Variants in ME1 observed in about 807,000 individuals in gnomAD.
The protein encoded by ME1 is malic enzyme 1.
Under a neutral mutation model 66.4 loss-of-function variants are expected in ME1, and 74 were observed. The observed-to-expected ratio is 1.11, with a 90% CI of 0.92 to 1.35. ME1 has a LOEUF of 1.35. Ranked by LOEUF, ME1 falls within the 40% of genes most tolerant of loss-of-function variation. ME1 has a pLI of 0.00. For missense variants in ME1, 750 were observed against 694.1 expected (o/e 1.08, Z -0.90); for synonymous variants, 251 against 235.6 (o/e 1.07, Z -0.60).
chr6:83,378,607 T>C (rs1030596925), intron 3 of ME1, among the ~76,000 whole-genome samples: 13 of 152,106 alleles, frequency 8.5e-5, no homozygotes, highest in Admixed American at 7.2e-4. Context: ...GTATCTTCTT[T>C]ATTCAGATAT....
At chr6:83,230,691 G>T (rs1006178180) in intron 9 of ME1, among the ~76,000 whole-genome samples, 2 of 152,154 alleles carry the variant, frequency 1.3e-5, no homozygotes, top group Non-Finnish European at 2.9e-5. Flanking sequence ...CAGCACTTTG[G>T]GAGGCTGAGG....
intron 3 of ME1, among the ~76,000 whole-genome samples, chr6:83,381,436 C>T (rs1377565839): frequency 1.3e-5 from 2 of 150,320 alleles, no homozygotes; most frequent in African/African-American, 2.5e-5. Flanking sequence ...CGCTCTGTTG[C>T]CCAGGCTGGA....
intron 9 of ME1, among the ~76,000 whole-genome samples, chr6:83,230,793 C>T (rs1420748343): frequency 6.6e-6 from 1 of 151,840 alleles, no homozygotes; most frequent in Non-Finnish European, 1.5e-5. Flanking sequence ...ATTAGCTGGG[C>T]GTGGTGGCAG....
At chr6:83,316,032 A>T (rs1248734653) in intron 5 of ME1, among the ~76,000 whole-genome samples, 1 of 152,226 alleles carries the variant, frequency 6.6e-6, no homozygotes, top group Non-Finnish European at 1.5e-5. Flanking sequence ...TTCAGATTTT[A>T]CAGACAAAGG....
intron 5 of ME1, among the ~76,000 whole-genome samples, chr6:83,334,100 T>G (rs1768474617): frequency 6.6e-6 from 1 of 152,144 alleles, no homozygotes; most frequent in East Asian, 1.9e-4. Flanking sequence ...CGCAGGCCAG[T>G]GTGTGCGTGC....
chr6:83,233,464 C>G (rs1790339938), intron 9 of ME1, among the ~76,000 whole-genome samples: 1 of 151,992 alleles, frequency 6.6e-6, no homozygotes, highest in Non-Finnish European at 1.5e-5. Flanking sequence ...AGCATTAACT[C>G]TTTCCACTGC....
intron 12 of ME1, among the ~76,000 whole-genome samples, chr6:83,222,398 T>C (rs1001740087): frequency 6.6e-6 from 1 of 152,202 alleles, no homozygotes; most frequent in Non-Finnish European, 1.5e-5. Context: ...ATCAGTAACA[T>C]AAGAATCTTT....
At chr6:83,369,667 GGAAC>G (rs200236615) in intron 3 of ME1, among the ~76,000 whole-genome samples, 4,956 of 50,334 alleles carry the variant, frequency 0.098, 353 homozygotes, top group African/African-American at 0.31. Flanking sequence ...AAGGAAGGAA[GGAAC>G]GAAGGAAGGA....
Position 83,253,711 on chromosome 6 carries a change from A to C in ME1, c.732T>G (p.Phe244Leu), listed in dbSNP as rs1790760313. Residue 244 changes from phenylalanine to leucine, a missense_variant, in exon 7 of 14, where the codon TTT becomes TTG. Coordinates refer to ENST00000369705, the MANE Select transcript of ME1 (RefSeq NM_002395.6). Reference sequence around the variant, plus strand: ...ATGCATTCACATTGGCAAAATCTTCAAACTGAATAAGGCAATTCATGCCAT... The same window carrying C: ...ATGCATTCACATTGGCAAAATCTTCCAACTGAATAAGGCAATTCATGCCAT... ...SKYGMNCLIQ[F>L]EDFANVNAFR... 6.2e-7 allele frequency: 1 copy of C among 1,608,324 alleles called. No homozygotes were observed. The highest frequency in any genetic ancestry group is 8.5e-7 in the Non-Finnish European group (1 of 1,175,238).
chr6:83,238,799 A>ATATATATATATATATAT (rs1554263094), intron 8 of ME1, among the ~76,000 whole-genome samples: 4,957 of 138,756 alleles, frequency 0.036, 178 homozygotes, highest in Non-Finnish European at 0.049. Context: ...TTTCTTGAAA[A>ATATATATATATATATAT]ATATATATAT....
intron 6 of ME1, among the ~76,000 whole-genome samples, chr6:83,263,848 A>G (rs1766942649): frequency 6.6e-6 from 1 of 151,254 alleles, no homozygotes; most frequent in South Asian, 2.1e-4. Context: ...CATAACCTGC[A>G]AGGTGAAGCA....
At chr6:83,410,790 T>C (rs1770034968) in intron 1 of ME1, among the ~76,000 whole-genome samples, 2 of 152,202 alleles carry the variant, frequency 1.3e-5, no homozygotes, top group Admixed American at 1.3e-4. Flanking sequence ...CTTAACAACA[T>C]TTATTGTTAT....
At chr6:83,258,378 T>C (rs1395209970) in intron 6 of ME1, among the ~76,000 whole-genome samples, 1 of 152,202 alleles carries the variant, frequency 6.6e-6, no homozygotes, top group Non-Finnish European at 1.5e-5. Flanking sequence ...ACGTAAGGGA[T>C]AATTAGTTCC....
At chr6:83,224,527 A>G (rs1283736555) in intron 11 of ME1, among the ~76,000 whole-genome samples, 1 of 151,432 alleles carries the variant, frequency 6.6e-6, no homozygotes, top group Non-Finnish European at 1.5e-5. Context: ...TACTAAAAAT[A>G]TAAAAAGTGG....
At chr6:83,315,489 T>C in intron 5 of ME1, 76 bp from the exon 6 acceptor site, 2 of 837,220 alleles carry the variant, frequency 2.4e-6, no homozygotes, top group Non-Finnish European at 3.9e-6. Flanking sequence ...TCTTCATCTG[T>C]ATAAAAGGGA....
intron 7 of ME1, among the ~76,000 whole-genome samples, chr6:83,241,224 A>C (rs1790503061): frequency 6.6e-6 from 1 of 152,160 alleles, no homozygotes; most frequent in Non-Finnish European, 1.5e-5. Flanking sequence ...AGCTCAAGCT[A>C]TCTCTCTCTT....
At chr6:83,408,519 T>C (rs963948603) in intron 1 of ME1, among the ~76,000 whole-genome samples, 4 of 152,226 alleles carry the variant, frequency 2.6e-5, no homozygotes, top group African/African-American at 9.6e-5. Flanking sequence ...AAATGCTTCC[T>C]CCTGTCTAAA....
chr6:83,421,119 G>T (rs984318641), intron 1 of ME1, among the ~76,000 whole-genome samples: 5 of 151,962 alleles, frequency 3.3e-5, no homozygotes, highest in Non-Finnish European at 5.9e-5. Context: ...CACAAATGAA[G>T]TATGTAGATA....
At chr6:83,339,869 T>G (rs1013302584) in intron 5 of ME1, among the ~76,000 whole-genome samples, 46 of 126,982 alleles carry the variant, frequency 3.6e-4, no homozygotes, top group Non-Finnish European at 6.7e-4. Context: ...TACCTAATGC[T>G]AGATGACACG....
Sources: gnomAD v4.1 joint callset for allele counts (sites outside exome capture counted in the v4.1 genomes callset) on GRCh38, gnomAD v4.1.1 for gene constraint, MANE v1.5 for transcripts, NCBI Gene and HGNC (gene_info 2026-07-23, HGNC 2026-07-21) for gene names.